Variants in DNAJC1 observed in about 807,000 individuals in gnomAD.
DNAJC1 encodes DnaJ heat shock protein family (Hsp40) member C1.
A neutral mutation model predicts 76.6 loss-of-function variants in DNAJC1; 58 were observed. The observed-to-expected ratio is 0.76, with a 90% confidence interval of 0.61 to 0.94. The LOEUF (loss-of-function observed/expected upper bound fraction) is 0.94, where lower values mean the gene tolerates loss of function less well. Among genes scored for constraint, DNAJC1 ranks in the 40% least tolerant of loss-of-function variants. DNAJC1 has a pLI of 0.00. For synonymous variants in DNAJC1, 258 were observed against 267.9 expected (o/e 0.96, Z 0.36); for missense variants, 689 against 677.3 (o/e 1.02, Z -0.19).
intron 9 of DNAJC1, among the ~76,000 whole-genome samples, chr10:21,771,961 A>G (rs922832267): frequency 6.6e-6 from 1 of 152,136 alleles, no homozygotes; most frequent in African/African-American, 2.4e-5. Context: ...TTGTTTTTAG[A>G]TAAATCTTCA....
rs368291750 is a variant in DNAJC1, at chr10:21,799,295, G to T, written c.1098+6685C>A. Among the ~76,000 whole-genome samples, 27 of 151,932 alleles carry T rather than the reference G, an allele frequency of 1.8e-4. No homozygotes were observed. The East Asian group carries it at 1.9e-3, about 11-fold the overall frequency. Reference sequence around the variant, plus strand: ...TTCTGGTTGCTTTTTACTGTTTTTTGTTGTTGTTGTTTTTTTGTTTTGAGA... The same window carrying T: ...TTCTGGTTGCTTTTTACTGTTTTTTTTTGTTGTTGTTTTTTTGTTTTGAGA... On this transcript the variant is annotated intron_variant, in intron 9 of 11. Coordinates refer to ENST00000376980, the MANE Select transcript of DNAJC1 (RefSeq NM_022365.4).
intron 9 of DNAJC1, among the ~76,000 whole-genome samples, chr10:21,787,403 G>A (rs1290339160): frequency 6.6e-6 from 1 of 151,812 alleles, no homozygotes; most frequent in Non-Finnish European, 1.5e-5. Flanking sequence ...AAGAAAAGAA[G>A]GAAGAGGAGG....
chr10:21,891,516 ACC>A (rs1431667168), intron 7 of DNAJC1, among the ~76,000 whole-genome samples: 1 of 150,806 alleles, frequency 6.6e-6, no homozygotes, highest in African/African-American at 2.4e-5. Flanking sequence ...AAAAAAGAAC[ACC>A]GCCCTGGGAA....
At chr10:21,941,761 G>A (rs1837417436) in intron 1 of DNAJC1, among the ~76,000 whole-genome samples, 1 of 151,984 alleles carries the variant, frequency 6.6e-6, no homozygotes, top group South Asian at 2.1e-4. Flanking sequence ...TATGCCATAA[G>A]AGACAACCTA....
intron 8 of DNAJC1, among the ~76,000 whole-genome samples, chr10:21,845,272 G>A (rs1219387350): frequency 6.6e-6 from 1 of 151,654 alleles, no homozygotes; most frequent in Non-Finnish European, 1.5e-5. Context: ...AAGCTGGAGG[G>A]GAAAAAAAGT....
chr10:21,900,648 T>C (rs1486698720), intron 7 of DNAJC1, among the ~76,000 whole-genome samples: 1 of 152,224 alleles, frequency 6.6e-6, no homozygotes, highest in Non-Finnish European at 1.5e-5. Context: ...AGATATTATC[T>C]GCCTACATAT....
rs537502830 is a variant in DNAJC1, at chr10:21,895,540, G to C, written c.820+8982C>G. Reference sequence around the variant, plus strand: ...CTACTTATAGTAAAATGCAAGAAGAGAGAAACAAATTAAATATAAAATTTG... The same window carrying C: ...CTACTTATAGTAAAATGCAAGAAGACAGAAACAAATTAAATATAAAATTTG... On this transcript the variant is annotated intron_variant, in intron 7 of 11. Transcript: ENST00000376980. Among the ~76,000 whole-genome samples, 9 of 152,262 alleles carry C rather than the reference G, an allele frequency of 5.9e-5. No homozygotes were observed. The South Asian group carries it at 1.9e-3, about 32-fold the overall frequency.
chr10:21,921,610 C>T (rs903525941), intron 3 of DNAJC1, among the ~76,000 whole-genome samples: 1 of 151,860 alleles, frequency 6.6e-6, no homozygotes, highest in Non-Finnish European at 1.5e-5. Context: ...TGTTGGATTT[C>T]TCAATAAAAC....
chr10:21,792,086 T>C (rs1343978820), intron 9 of DNAJC1, among the ~76,000 whole-genome samples: 1 of 152,220 alleles, frequency 6.6e-6, no homozygotes, highest in Non-Finnish European at 1.5e-5. Flanking sequence ...ACACTTTTAT[T>C]ATTCAAGCAC....
intron 1 of DNAJC1, among the ~76,000 whole-genome samples, chr10:21,963,054 C>T (rs1453264214): frequency 6.6e-6 from 1 of 152,180 alleles, no homozygotes; most frequent in Non-Finnish European, 1.5e-5. Flanking sequence ...GACCAAAGAA[C>T]ATCCTACTTG....
At chr10:21,983,469 A>G (rs1838189131) in intron 1 of DNAJC1, among the ~76,000 whole-genome samples, 1 of 152,228 alleles carries the variant, frequency 6.6e-6, no homozygotes, top group Non-Finnish European at 1.5e-5. Context: ...TCACACCTGT[A>G]ATACCAGCAC....
rs554289343 is a variant in DNAJC1, at chr10:21,917,068, C to T, written c.729+1711G>A. ...ACCCTAATGCCTAGCATCTCAAAAC[C>T]GAAAGGCCAGCAGATACCATCAAGT... On this transcript the variant is annotated intron_variant, in intron 6 of 11. Transcript: ENST00000376980. Among the ~76,000 whole-genome samples, 4 of 151,644 alleles carry T rather than the reference C, an allele frequency of 2.6e-5. No individual in the cohort carries two copies. In the East Asian group the frequency reaches 5.8e-4, roughly 22 times the overall value.
chr10:21,864,469 A>T (rs938581589), intron 8 of DNAJC1, among the ~76,000 whole-genome samples: 4 of 151,906 alleles, frequency 2.6e-5, no homozygotes, highest in African/African-American at 9.7e-5. Context: ...AAAAATACAA[A>T]AAACTAGCCG....
In DNAJC1 at chr10:21,881,847, A is replaced by G. The variant is rs531128366; in HGVS notation, c.978+435T>C. On this transcript the variant is annotated intron_variant, in intron 8 of 11. Coordinates refer to ENST00000376980, the MANE Select transcript of DNAJC1 (RefSeq NM_022365.4). Reference sequence around the variant, plus strand: ...GCTGCCACAAACCCTCAATTTGTAAAAAAAAAAAAAAAAAAAAAAAAAACC... The same window carrying G: ...GCTGCCACAAACCCTCAATTTGTAAGAAAAAAAAAAAAAAAAAAAAAAACC... 7.1e-3 allele frequency among the ~76,000 whole-genome samples: 1,037 copies of G among 146,762 alleles called. 4 individuals carry two copies. Among genetic ancestry groups the G allele is most frequent in the Non-Finnish European group, 9.9e-3 (660 of 66,372 alleles).
intron 1 of DNAJC1, among the ~76,000 whole-genome samples, chr10:21,945,305 G>A (rs1837486742): frequency 6.6e-6 from 1 of 152,196 alleles, no homozygotes; most frequent in South Asian, 2.1e-4. Flanking sequence ...TACCTAAGAA[G>A]AGTGGTGTAA....
intron 7 of DNAJC1, among the ~76,000 whole-genome samples, chr10:21,899,738 T>G (rs1020743950): frequency 6.6e-6 from 1 of 152,166 alleles, no homozygotes; most frequent in African/African-American, 2.4e-5. Flanking sequence ...GAACAAGCAG[T>G]CCGGCTGCCT....
chr10:21,756,629 T>A lies in DNAJC1; in HGVS notation c.*58A>T. On this transcript the variant is annotated 3_prime_UTR_variant, in exon 12 of 12. Coordinates refer to ENST00000376980, the MANE Select transcript of DNAJC1 (RefSeq NM_022365.4). ...GAGGTACAAAATGCAAATTTCTGCA[T>A]AAGATTTTTAAGATATTCATTTTGG... is the stretch of plus-strand genomic sequence containing the variant. The A allele has an allele frequency of 7.3e-7, 1 of 1,366,046 alleles. No homozygotes were observed. The highest frequency in any genetic ancestry group is 1.2e-5 in the South Asian group (1 of 85,244). 84.6% of individuals were successfully genotyped at this position (1,366,046 alleles called of 1,614,324 possible). A position where few individuals can be genotyped will look rare whatever the true frequency, so the allele number is the denominator to read the frequency against.
At chr10:21,989,346 A>T (rs1251760478) in intron 1 of DNAJC1, among the ~76,000 whole-genome samples, 1 of 152,220 alleles carries the variant, frequency 6.6e-6, no homozygotes, top group Non-Finnish European at 1.5e-5. Context: ...TTAAAATTTA[A>T]AGAGAGAAAA....
At chr10:21,900,923 T>C (rs1010597960) in intron 7 of DNAJC1, among the ~76,000 whole-genome samples, 1 of 152,220 alleles carries the variant, frequency 6.6e-6, no homozygotes, top group Non-Finnish European at 1.5e-5. Context: ...AATCAACTAC[T>C]TTCCTCATGA....
Sources: allele counts gnomAD v4.1 joint callset (sites outside exome capture counted in the v4.1 genomes callset), GRCh38; gene constraint gnomAD v4.1.1; transcripts MANE v1.5; gene names NCBI Gene and HGNC (gene_info 2026-07-23, HGNC 2026-07-21).